PPDPFL: variants seen among roughly 807,000 people sequenced by gnomAD.
The protein encoded by PPDPFL is pancreatic progenitor cell differentiation and proliferation factor-like protein.
PPDPFL carries 12 observed loss-of-function variants against 12.6 expected under a neutral mutation model. That is an observed-to-expected ratio of 0.95 (90% CI 0.61 to 1.54). The LOEUF is 1.54. Ranked by LOEUF, PPDPFL falls within the 40% of genes most tolerant of loss-of-function variation. The pLI is 0.00. For synonymous variants in PPDPFL, 24 were observed against 32.7 expected (o/e 0.73, Z 0.91); for missense variants, 114 against 96.0 (o/e 1.19, Z -0.78).
rs144134175 is a variant in PPDPFL, at chr8:49,075,687, C to A, written c.*514C>A. 5 of 165,058 alleles carry A rather than the reference C, an allele frequency of 3.0e-5. No homozygotes were observed. Among genetic ancestry groups the A allele is most frequent in the East Asian group, 1.7e-4 (1 of 5,888 alleles). 10.2% of individuals were successfully genotyped at this position (165,058 alleles called of 1,614,324 possible). On this transcript the variant is annotated 3_prime_UTR_variant, in exon 5 of 5. Coordinates refer to ENST00000522267, the MANE Select transcript of PPDPFL (RefSeq NM_001256597.2). ...ATAATGGTTTAAAGGGCATTGAATT[C>A]GAAATTTTAGAAAATAATTGTAAAA... is the stretch of plus-strand genomic sequence containing the variant.
At chr8:49,072,759 A>G (rs1363592840) in intron 1 of PPDPFL, 28 bp from the exon 2 acceptor site, 3 of 1,137,110 alleles carry the variant, frequency 2.6e-6, no homozygotes, top group African/African-American at 1.6e-5. Flanking sequence ...ATTCATATCA[A>G]TGTCTCTTTT....
chr8:49,055,107 G>A lies in PPDPFL; in HGVS notation c.-45+738G>A, dbSNP rs375137295. ...CTTTATACTTTCTACTTAGAGAATG[G>A]CACTATGGTTTCTTCCTTGGCTGTG... On this transcript the variant is annotated intron_variant, in intron 1 of 4. Transcript: ENST00000517663. 2.4e-4 allele frequency among the ~76,000 whole-genome samples: 37 copies of A among 152,224 alleles called. 1 individual carries two copies. The highest frequency in any genetic ancestry group is 9.7e-4 in the East Asian group (5 of 5,178).
chr8:49,070,089 G>T (rs1427786445), upstream of PPDPFL, among the ~76,000 whole-genome samples: 1 of 152,222 alleles, frequency 6.6e-6, no homozygotes, highest in African/African-American at 2.4e-5. Flanking sequence ...CATGTCCTTT[G>T]CAGGAAGACG....
At chr8:49,057,786 G>A (rs951280336) in intron 1 of PPDPFL, among the ~76,000 whole-genome samples, 11 of 152,118 alleles carry the variant, frequency 7.2e-5, no homozygotes, top group African/African-American at 2.4e-4. Flanking sequence ...TCTTCATAGA[G>A]TTTTGCTAAA....
chr8:49,066,468 C>T (rs1808301523), intron 1 of PPDPFL, among the ~76,000 whole-genome samples: 1 of 152,090 alleles, frequency 6.6e-6, no homozygotes, highest in Non-Finnish European at 1.5e-5. Flanking sequence ...TGGATTTTTC[C>T]TGAGTGACTC....
At chr8:49,060,654 A>C (rs1015973275) in intron 1 of PPDPFL, among the ~76,000 whole-genome samples, 25 of 152,056 alleles carry the variant, frequency 1.6e-4, no homozygotes, top group Admixed American at 1.6e-3. Flanking sequence ...ATTTTGTATA[A>C]GTTTAGTTAA....
At chr8:49,058,840 G>A (rs543720064) in intron 1 of PPDPFL, among the ~76,000 whole-genome samples, 2 of 152,276 alleles carry the variant, frequency 1.3e-5, no homozygotes, top group South Asian at 2.1e-4. Flanking sequence ...TCAGAGGGCT[G>A]AGCGCCACCT....
intron 4 of PPDPFL, chr8:49,074,722 T>A: frequency 6.9e-7 from 1 of 1,457,728 alleles, no homozygotes; most frequent in East Asian, 2.5e-5. Flanking sequence ...CTGATTTTGA[T>A]TAGCTTCTGT....
chr8:49,067,063 A>T (rs892637113), intron 1 of PPDPFL, among the ~76,000 whole-genome samples: 1 of 152,260 alleles, frequency 6.6e-6, no homozygotes, highest in Non-Finnish European at 1.5e-5. Context: ...GTGTAAAATC[A>T]TGACAATTAA....
intron 1 of PPDPFL, among the ~76,000 whole-genome samples, chr8:49,056,532 A>G (rs1262800945): frequency 6.6e-6 from 1 of 152,170 alleles, no homozygotes; most frequent in Non-Finnish European, 1.5e-5. Flanking sequence ...AACCTTCTGT[A>G]TTCACATCAT....
At chr8:49,061,568 G>C (rs191541315) in intron 1 of PPDPFL, among the ~76,000 whole-genome samples, 69 of 152,330 alleles carry the variant, frequency 4.5e-4, no homozygotes, top group Non-Finnish European at 9.1e-4. Context: ...TCCGGTGTTT[G>C]AGAGGGTCTG....
chr8:49,058,650 TTTAAAAAG>T (rs748120757), intron 1 of PPDPFL, among the ~76,000 whole-genome samples: 49 of 152,366 alleles, frequency 3.2e-4, no homozygotes, highest in Non-Finnish European at 6.0e-4. Context: ...CAATGGAGTA[TTTAAAAAG>T]TTACTTCAGC....
intron 1 of PPDPFL, among the ~76,000 whole-genome samples, chr8:49,064,429 T>G (rs1808261346): frequency 6.6e-6 from 1 of 152,006 alleles, no homozygotes. Flanking sequence ...CTTGTATAAG[T>G]TTTCCCAGAA....
intron 1 of PPDPFL, among the ~76,000 whole-genome samples, chr8:49,055,230 C>T (rs76253396): frequency 1.2e-4 from 18 of 151,984 alleles, no homozygotes; most frequent in Non-Finnish European, 1.6e-4. Context: ...TATTGAAAGC[C>T]GTCACCATGC....
At chr8:49,065,767 A>G (rs1023350721) in intron 1 of PPDPFL, among the ~76,000 whole-genome samples, 3 of 152,200 alleles carry the variant, frequency 2.0e-5, no homozygotes, top group African/African-American at 4.8e-5. Context: ...ATCAAGAACA[A>G]TAAAACATTC....
intron 1 of PPDPFL, among the ~76,000 whole-genome samples, chr8:49,062,345 C>A (rs1808223918): frequency 6.6e-6 from 1 of 152,098 alleles, no homozygotes; most frequent in African/African-American, 2.4e-5. Context: ...AACAATAGCC[C>A]ATACAAAGTG....
At chr8:49,061,712 G>A (rs1808207481) in intron 1 of PPDPFL, among the ~76,000 whole-genome samples, 1 of 152,158 alleles carries the variant, frequency 6.6e-6, no homozygotes, top group South Asian at 2.1e-4. Context: ...AAGTCAGATG[G>A]CTCCTTGGCA....
chr8:49,074,502 C>G (rs755453216), intron 4 of PPDPFL, 169 bp downstream of exon 4: 1 of 1,538,150 alleles, frequency 6.5e-7, no homozygotes. Flanking sequence ...AGAGCTCCCT[C>G]CTTGCAGGTC....
intron 1 of PPDPFL, among the ~76,000 whole-genome samples, chr8:49,060,305 TTTTG>T (rs911376388): frequency 3.0e-4 from 46 of 152,084 alleles, no homozygotes; most frequent in African/African-American, 9.9e-4. Context: ...CATCTCTGTT[TTTTG>T]TTTGTTTGTT....
Sources: allele counts gnomAD v4.1 joint callset (sites outside exome capture counted in the v4.1 genomes callset), GRCh38; gene constraint gnomAD v4.1.1; transcripts MANE v1.5; gene names NCBI Gene and HGNC (gene_info 2026-07-23, HGNC 2026-07-21).